The following FKBP11 variants were observed in gnomAD, a reference collection of about 807,000 sequenced individuals.
FKBP11 encodes FKBP prolyl isomerase 11.
In FKBP11, 21 loss-of-function variants were observed where a neutral mutation model predicts 24.7. That is an observed-to-expected ratio of 0.85 (90% confidence interval 0.60 to 1.23). The LOEUF is 1.23. Among genes scored for constraint, FKBP11 ranks in the 50% most tolerant of loss-of-function variants. The pLI is 0.00. For synonymous variants in FKBP11, 106 were observed against 100.6 expected, an observed-to-expected ratio of 1.05 and a Z score of -0.32; for missense variants, 245 against 248.7, an observed-to-expected ratio of 0.99 and a Z score of 0.10.
At chr12:48,931,303 C>A, upstream of FKBP11, 1 of 848,684 alleles carries the variant, frequency 1.2e-6, no homozygotes, top group Non-Finnish European at 1.9e-6. Context: ...ATTGTCTTAT[C>A]CAGGTCTGAG....
Position 48,924,396 on chromosome 12 carries a change from G to A in FKBP11, c.284-140C>T, listed in dbSNP as rs118155447. 6,702 of 1,202,096 alleles carry A rather than the reference G, an allele frequency of 5.6e-3. 24 individuals carry two copies. Among genetic ancestry groups the A allele is most frequent in the Non-Finnish European group, 7.1e-3 (5,858 of 823,490 alleles). 74.5% of individuals were successfully genotyped at this position (1,202,096 alleles called of 1,614,324 possible). A position where few individuals can be genotyped will look rare whatever the true frequency, so the allele number is the denominator to read the frequency against. ...ATCTCTGGCTTCCAATAGGATATGG[G>A]ACAAGTGGAGTACTAGAAGTGAGGT... On this transcript the variant is annotated intron_variant, in intron 3 of 5. Transcript: ENST00000550765.
At chr12:48,938,804 G>A in the FKBP11 span, 183 of 1,039,960 alleles carry the variant, frequency 1.8e-4, 1 homozygote, top group Non-Finnish European at 2.4e-4. Flanking sequence ...GGAGGCAGGG[G>A]AGGCAAGGCT....
chr12:48,938,690 A>G, the FKBP11 span: 1 of 497,666 alleles, frequency 2.0e-6, no homozygotes, highest in Non-Finnish European at 3.7e-6. Flanking sequence ...GGGCCACCCC[A>G]TGAAACCGTA....
intron 2 of FKBP11, 114 bp downstream of exon 2, chr12:48,924,932 G>C (rs1463046878): frequency 1.0e-5 from 15 of 1,449,226 alleles, no homozygotes; most frequent in Non-Finnish European, 1.4e-5. Context: ...GACGACCCCA[G>C]AGCCCCGAGT....
chr12:48,928,043 C>CTTTTTTTTT (rs34076093), upstream of FKBP11, among the ~76,000 whole-genome samples: 11 of 88,468 alleles, frequency 1.2e-4, no homozygotes, highest in Non-Finnish European at 1.8e-4. Flanking sequence ...TGCCAGATAC[C>CTTTTTTTTT]TTTTTTTTTT....
chr12:48,932,229 A>ATATT, the FKBP11 span, among the ~76,000 whole-genome samples: 76 of 24,546 alleles, frequency 3.1e-3, no homozygotes, highest in South Asian at 4.2e-3. Context: ...ACATATATTT[A>ATATT]TATATATATA....
At chr12:48,930,507 A>C (rs1176264457), upstream of FKBP11, among the ~76,000 whole-genome samples, 1 of 152,222 alleles carries the variant, frequency 6.6e-6, no homozygotes. Flanking sequence ...CAGGTTATAA[A>C]AATAATTTTT....
chr12:48,923,802 C>T lies in FKBP11; in HGVS notation c.368G>A (p.Gly123Glu). The T allele has an allele frequency of 1.9e-6, 3 of 1,614,060 alleles. No individual in the cohort carries two copies. Among genetic ancestry groups the T allele is most frequent in the South Asian group, 2.2e-5 (2 of 91,076 alleles). ...IPSHLAYGKR[G>E]FPPSVPADAV... ...ATTACCTGGGACAGATGGTGGAAAT[C>T]CCCGTTTTCCATAGGCCAAGTGAGA... The change falls in exon 5 of 6, where the codon GGA becomes GAA. Residue 123 changes from glycine (G) to glutamate (E), a missense_variant. Physicochemically the swap from Gly to Glu is moderately conservative, Grantham distance 98. Transcript: ENST00000550765.
At chr12:48,935,775 A>AG in the FKBP11 span, 6,495 of 152,254 alleles carry the variant, frequency 0.043, 205 homozygotes, top group Non-Finnish European at 0.061. Flanking sequence ...TAGACTAGTG[A>AG]GGGGGTCTCT....
chr12:48,933,843 G>A, the FKBP11 span, among the ~76,000 whole-genome samples: 1 of 152,068 alleles, frequency 6.6e-6, no homozygotes, highest in East Asian at 1.9e-4. Context: ...TTCCGGCCTG[G>A]GTGACAGAGA....
intron 5 of FKBP11, 118 bp from the exon 6 acceptor site, chr12:48,922,319 G>A: frequency 1.1e-6 from 1 of 931,538 alleles, no homozygotes; most frequent in South Asian, 1.9e-5. Flanking sequence ...AAGCTGACAA[G>A]ATTTAAATGT....
upstream of FKBP11, among the ~76,000 whole-genome samples, chr12:48,930,904 G>T (rs1375567424): frequency 6.6e-6 from 1 of 151,996 alleles, no homozygotes; most frequent in African/African-American, 2.4e-5. Context: ...CGAGGCGGGC[G>T]GATCACGAGG....
At chr12:48,934,084 G>A in the FKBP11 span, among the ~76,000 whole-genome samples, 4 of 152,022 alleles carry the variant, frequency 2.6e-5, no homozygotes, top group African/African-American at 9.7e-5. Context: ...TAAAAACATC[G>A]AATGTACTAA....
chr12:48,932,319 C>T, the FKBP11 span, among the ~76,000 whole-genome samples: 1 of 110,714 alleles, frequency 9.0e-6, no homozygotes, highest in African/African-American at 3.8e-5. Context: ...CACCATGTTG[C>T]CCAGGTTGAT....
At chr12:48,926,521 C>CT (rs398019471), upstream of FKBP11, 27,140 of 110,886 alleles carry the variant, frequency 0.24, 3,750 homozygotes, top group East Asian at 0.48. Flanking sequence ...CACCAGATTT[C>CT]TTTTTTTTTT....
chr12:48,935,653 C>T, the FKBP11 span: 1 of 152,204 alleles, frequency 6.6e-6, no homozygotes, highest in Admixed American at 6.5e-5. Context: ...CAATGAAAAA[C>T]CACACGCCTG....
At chr12:48,925,624 T>TA (rs1463931605), upstream of FKBP11, 4 of 660,534 alleles carry the variant, frequency 6.1e-6, no homozygotes, top group African/African-American at 7.3e-5. Flanking sequence ...GCGCCCTCTG[T>TA]ACCCTCCAAG....
At chr12:48,923,267 A>G in intron 5 of FKBP11, 1 of 1,384,398 alleles carries the variant, frequency 7.2e-7, no homozygotes, top group South Asian at 1.6e-5. Flanking sequence ...TGTCCATCTC[A>G]ACCCTTCAAA....
intron 2 of FKBP11, 78 bp from the exon 3 acceptor site, chr12:48,924,726 C>A: frequency 6.3e-7 from 1 of 1,582,430 alleles, no homozygotes; most frequent in Non-Finnish European, 8.6e-7. Flanking sequence ...ACCTGGACCG[C>A]TGGGCGGCGG....
Sources: allele counts gnomAD v4.1 joint callset (sites outside exome capture counted in the v4.1 genomes callset), GRCh38; gene constraint gnomAD v4.1.1; transcripts MANE v1.5; gene names NCBI Gene and HGNC (gene_info 2026-07-23, HGNC 2026-07-21).